The following PKHD1 variants were observed in gnomAD, a reference collection of about 807,000 sequenced individuals.
The protein encoded by PKHD1 is fibrocystin.
Under a neutral mutation model 412.0 loss-of-function variants are expected in PKHD1, and 291 were observed. The ratio of observed to expected loss-of-function variants is 0.71; its 90% CI spans 0.64 to 0.78. The LOEUF is 0.78. Ranked by LOEUF, PKHD1 falls within the 30% of genes least tolerant of loss-of-function variation. PKHD1 has a pLI of 0.00. For synonymous variants in PKHD1, 1,777 were observed against 1,821.5 expected (o/e 0.98, Z 0.62); for missense variants, 4,825 against 4,950.7 (o/e 0.97, Z 0.76).
intron 60 of PKHD1, among the ~76,000 whole-genome samples, chr6:51,671,406 T>C (rs960342960): frequency 1.4e-4 from 21 of 152,208 alleles, no homozygotes; most frequent in African/African-American, 4.6e-4. Flanking sequence ...CATCAGCTCC[T>C]TTAAGCACTT....
chr6:51,683,271 T>A (rs1776945316), intron 60 of PKHD1, among the ~76,000 whole-genome samples: 1 of 151,990 alleles, frequency 6.6e-6, no homozygotes, highest in South Asian at 2.1e-4. Context: ...TTAAGGACAA[T>A]TCGGGATCCA....
intron 48 of PKHD1, among the ~76,000 whole-genome samples, chr6:51,862,205 G>T (rs1336087213): frequency 6.6e-6 from 1 of 152,162 alleles, no homozygotes; most frequent in Non-Finnish European, 1.5e-5. Flanking sequence ...TTAAAATAAG[G>T]CATGTGAGAG....
At chr6:51,766,903 G>A (rs1452508402) in intron 55 of PKHD1, among the ~76,000 whole-genome samples, 1 of 151,812 alleles carries the variant, frequency 6.6e-6, no homozygotes, top group Admixed American at 6.6e-5. Context: ...TGTGGCTATT[G>A]TTTTGCTTGT....
intron 35 of PKHD1, among the ~76,000 whole-genome samples, chr6:51,980,007 T>C (rs1442497076): frequency 6.6e-6 from 1 of 152,220 alleles, no homozygotes; most frequent in Non-Finnish European, 1.5e-5. Flanking sequence ...TTCACCTTGC[T>C]AGAGTGTGAG....
At chr6:51,919,394 C>T (rs1312888149) in intron 37 of PKHD1, among the ~76,000 whole-genome samples, 3 of 152,142 alleles carry the variant, frequency 2.0e-5, no homozygotes, top group Non-Finnish European at 2.9e-5. Flanking sequence ...GAATCCTTTC[C>T]CCATTGCTTG....
intron 63 of PKHD1, 102 bp from the exon 64 acceptor site, chr6:51,639,058 T>C: frequency 1.1e-6 from 1 of 891,288 alleles, no homozygotes; most frequent in Non-Finnish European, 1.9e-6. Flanking sequence ...TAAAGGACAA[T>C]TTTTTAAACT....
intron 37 of PKHD1, among the ~76,000 whole-genome samples, chr6:51,920,261 G>C (rs1784481204): frequency 6.6e-6 from 1 of 152,206 alleles, no homozygotes; most frequent in Admixed American, 6.5e-5. Context: ...TTGGCTGTGG[G>C]TTTGTCATAG....
chr6:51,626,938 G>T (rs1767311436), intron 66 of PKHD1, 59 bp downstream of exon 66: 4 of 1,588,372 alleles, frequency 2.5e-6, no homozygotes, highest in Admixed American at 1.7e-5. Context: ...GGAGAGGGAG[G>T]CTCAGACCAT....
chr6:51,691,113 T>C (rs376668772), intron 60 of PKHD1, among the ~76,000 whole-genome samples: 2 of 152,186 alleles, frequency 1.3e-5, no homozygotes, highest in Admixed American at 6.5e-5. Flanking sequence ...AGATACCATC[T>C]AACACCAGTC....
At chr6:51,979,988 C>CATCA (rs1425185827) in intron 35 of PKHD1, among the ~76,000 whole-genome samples, 1 of 152,194 alleles carries the variant, frequency 6.6e-6, no homozygotes, top group Non-Finnish European at 1.5e-5. Context: ...TCCATATTTA[C>CATCA]ATCAATGTTT....
At chr6:51,912,619 T>A in intron 37 of PKHD1, 43 bp from the exon 38 acceptor site, 1 of 1,254,472 alleles carries the variant, frequency 8.0e-7, no homozygotes, top group Non-Finnish European at 1.2e-6. Flanking sequence ...ATTTAATCAT[T>A]AATCAAAACG....
intron 51 of PKHD1, among the ~76,000 whole-genome samples, chr6:51,833,705 T>A (rs144764325): frequency 1.3e-5 from 2 of 152,234 alleles, no homozygotes; most frequent in Non-Finnish European, 2.9e-5. Flanking sequence ...GTGATCCAGA[T>A]GACAGTGGTC....
intron 42 of PKHD1, 78 bp from the exon 43 acceptor site, chr6:51,903,805 A>C: frequency 9.8e-7 from 1 of 1,024,696 alleles, no homozygotes; most frequent in South Asian, 1.3e-5. Flanking sequence ...TTCTACTAAT[A>C]CACATCAGAG....
At chr6:51,657,076 A>T (rs1477417186) in intron 61 of PKHD1, among the ~76,000 whole-genome samples, 1 of 151,454 alleles carries the variant, frequency 6.6e-6, no homozygotes, top group Non-Finnish European at 1.5e-5. Flanking sequence ...ACTGGAGAAC[A>T]TCCTTGGTAC....
chr6:52,030,849 T>C (rs1802934612), intron 29 of PKHD1, among the ~76,000 whole-genome samples: 1 of 152,192 alleles, frequency 6.6e-6, no homozygotes, highest in Non-Finnish European at 1.5e-5. Context: ...TCATGGGGCA[T>C]GCAAAGCAAG....
intron 52 of PKHD1, among the ~76,000 whole-genome samples, chr6:51,802,259 C>T (rs372538628): frequency 2.0e-5 from 3 of 147,840 alleles, no homozygotes; most frequent in Admixed American, 6.6e-5. Flanking sequence ...AACAATCAAA[C>T]AAACAAAAAA....
chr6:52,029,026 GA>G (rs1168456900), intron 29 of PKHD1, among the ~76,000 whole-genome samples: 3 of 152,178 alleles, frequency 2.0e-5, no homozygotes, highest in African/African-American at 7.2e-5. Context: ...AGCTATATTT[GA>G]GTGTGCACTG....
At chr6:51,817,611 C>T (rs6937910) in intron 52 of PKHD1, among the ~76,000 whole-genome samples, 77,168 of 152,044 alleles carry the variant, frequency 0.51, 20,025 homozygotes, top group Middle Eastern at 0.64. Flanking sequence ...ATCCAACACA[C>T]GTTCACCGAT....
At chr6:51,813,247 T>G in intron 52 of PKHD1, among the ~76,000 whole-genome samples, 1 of 152,230 alleles carries the variant, frequency 6.6e-6, no homozygotes, top group Non-Finnish European at 1.5e-5. Flanking sequence ...TTTTGATTTC[T>G]TAGTGTGTCA....
Sources: gnomAD v4.1 joint callset for allele counts (sites outside exome capture counted in the v4.1 genomes callset) on GRCh38, gnomAD v4.1.1 for gene constraint, MANE v1.5 for transcripts, NCBI Gene and HGNC (gene_info 2026-07-23, HGNC 2026-07-21) for gene names.